Variants in CDC73 observed in about 807,000 individuals in gnomAD.
CDC73 encodes the protein cell division cycle 73.
In CDC73, 21 loss-of-function variants were observed where a neutral mutation model predicts 83.7. The ratio of observed to expected loss-of-function variants is 0.25; its 90% CI spans 0.18 to 0.36. The LOEUF (loss-of-function observed/expected upper bound fraction) is 0.36, where lower values mean the gene tolerates loss of function less well. Among genes scored for constraint, CDC73 ranks in the 10% least tolerant of loss-of-function variants. CDC73 has a pLI of 1.00. For missense variants in CDC73, 342 were observed against 653.3 expected (o/e 0.52, Z 5.19); for synonymous variants, 224 against 212.9 (o/e 1.05, Z -0.45).
At chr1:193,201,897 A>G (rs1053516049) in intron 10 of CDC73, among the ~76,000 whole-genome samples, 21 of 152,140 alleles carry the variant, frequency 1.4e-4, no homozygotes, top group Admixed American at 1.4e-3. Flanking sequence ...CATAATTTTT[A>G]TTCTGGTGAT....
At chr1:193,158,879 A>G (rs17526825) in intron 10 of CDC73, among the ~76,000 whole-genome samples, 5,995 of 152,280 alleles carry the variant, frequency 0.039, 113 homozygotes, top group Middle Eastern at 0.048. Flanking sequence ...TTTATTTTAT[A>G]TACTTGTTAC....
chr1:193,241,497 G>A (rs1677856734), intron 15 of CDC73, among the ~76,000 whole-genome samples: 1 of 152,240 alleles, frequency 6.6e-6, no homozygotes, highest in Non-Finnish European at 1.5e-5. Flanking sequence ...GCAGTGGTGA[G>A]CCTGGAGGGT....
chr1:193,164,811 A>C (rs938415118), intron 10 of CDC73, among the ~76,000 whole-genome samples: 1 of 152,206 alleles, frequency 6.6e-6, no homozygotes, highest in Non-Finnish European at 1.5e-5. Flanking sequence ...TACTGAGTCA[A>C]CTTTAGGACT....
At chr1:193,211,004 C>A (rs780803670) in intron 11 of CDC73, among the ~76,000 whole-genome samples, 2 of 152,194 alleles carry the variant, frequency 1.3e-5, no homozygotes, top group Non-Finnish European at 2.9e-5. Flanking sequence ...GCTCTCTTTT[C>A]ACAGTTATTA....
At chr1:193,198,266 C>T (rs748137872) in intron 10 of CDC73, among the ~76,000 whole-genome samples, 5 of 152,046 alleles carry the variant, frequency 3.3e-5, no homozygotes, top group Non-Finnish European at 7.4e-5. Flanking sequence ...GAATGCCTCC[C>T]AAAATTTGTG....
At position 193,234,258 on chromosome 1, in the gene CDC73, ATAATT is replaced by A. The variant is rs1415075524; in HGVS notation, c.1316+1110_1316+1114del. Among the ~76,000 whole-genome samples, 7 of 129,954 alleles carry A rather than the reference ATAATT, an allele frequency of 5.4e-5. No individual in the cohort carries two copies. In the East Asian group the frequency reaches 1.2e-3, roughly 22 times the overall value. 85.3% of individuals were successfully genotyped at this position (129,954 alleles called of 152,430 possible). On this transcript the variant is annotated intron_variant, in intron 14 of 16. Coordinates refer to ENST00000367435, the MANE Select transcript of CDC73 (RefSeq NM_024529.5). ...AAAATTTATATATTTATTTATATAT[ATAATT>A]TAATTATAATATATATAATATACAT...
At chr1:193,126,821 C>T (rs1675583332) in intron 2 of CDC73, among the ~76,000 whole-genome samples, 1 of 152,108 alleles carries the variant, frequency 6.6e-6, no homozygotes, top group African/African-American at 2.4e-5. Context: ...TGTCTGTCAT[C>T]ACTGGAGCTG....
At chr1:193,245,128 T>C (rs1677930712) in intron 15 of CDC73, among the ~76,000 whole-genome samples, 1 of 152,234 alleles carries the variant, frequency 6.6e-6, no homozygotes, top group African/African-American at 2.4e-5. Flanking sequence ...CTCAAATGTT[T>C]ATCATTCTTT....
intron 10 of CDC73, among the ~76,000 whole-genome samples, chr1:193,173,913 T>C (rs993840730): frequency 5.3e-5 from 8 of 152,166 alleles, no homozygotes; most frequent in African/African-American, 1.9e-4. Context: ...TTTTGGGATA[T>C]CTTTATTCTA....
intron 10 of CDC73, among the ~76,000 whole-genome samples, chr1:193,168,764 A>T (rs557146485): frequency 6.6e-6 from 1 of 152,162 alleles, no homozygotes; most frequent in African/African-American, 2.4e-5. Context: ...ACGTCAGGTG[A>T]TCCACCCGCC....
At position 193,181,206 on chromosome 1, in the gene CDC73, A is replaced by G. The variant is rs369665370; in HGVS notation, c.973-22589A>G. ...TACCTTTTTCATTGTAAATACTTCC[A>G]TTGGCACTAAGTGTATTCTCCAGGC... On this transcript the variant is annotated intron_variant, in intron 10 of 16. Transcript: ENST00000367435. The G allele has an allele frequency of 3.0e-5, 49 of 1,613,968 alleles. No individual in the cohort carries two copies. The Admixed American group carries it at 6.5e-4, about 21-fold the overall frequency.
intron 3 of CDC73, among the ~76,000 whole-genome samples, chr1:193,134,736 A>G (rs1215301489): frequency 6.6e-6 from 1 of 152,154 alleles, no homozygotes; most frequent in Non-Finnish European, 1.5e-5. Flanking sequence ...TTGTTAGGTA[A>G]AAAAGAAAAC....
At chr1:193,238,287 G>A (rs768923680) in intron 15 of CDC73, among the ~76,000 whole-genome samples, 34 of 151,956 alleles carry the variant, frequency 2.2e-4, no homozygotes, top group Middle Eastern at 6.8e-3. Context: ...AACCCTTACC[G>A]TTGACCTCAC....
intron 16 of CDC73, 107 bp downstream of exon 16, chr1:193,249,978 C>A: frequency 1.0e-6 from 1 of 995,882 alleles, no homozygotes; most frequent in Admixed American, 1.8e-5. Context: ...TAATTCCCTT[C>A]TTTCAACATT....
At chr1:193,214,067 G>C (rs1677320489) in intron 13 of CDC73, among the ~76,000 whole-genome samples, 2 of 152,164 alleles carry the variant, frequency 1.3e-5, no homozygotes, top group South Asian at 4.1e-4. Flanking sequence ...TTGATCATGT[G>C]ACTCTTCTGT....
intron 3 of CDC73, 61 bp from the exon 4 acceptor site, chr1:193,135,330 A>T (rs1255152903): frequency 7.6e-7 from 1 of 1,308,512 alleles, no homozygotes; most frequent in African/African-American, 1.5e-5. Context: ...TTTCACTTGT[A>T]ATAATATCCA....
At chr1:193,163,115 G>A (rs183112325) in intron 10 of CDC73, among the ~76,000 whole-genome samples, 4 of 151,656 alleles carry the variant, frequency 2.6e-5, no homozygotes, top group African/African-American at 9.7e-5. Context: ...TAGTAAATTT[G>A]TAGGTACATT....
At chr1:193,178,831 A>G (rs1320082497) in intron 10 of CDC73, among the ~76,000 whole-genome samples, 2 of 152,174 alleles carry the variant, frequency 1.3e-5, no homozygotes, top group African/African-American at 2.4e-5. Flanking sequence ...AAATGTTACA[A>G]TTCTCTTCTG....
intron 13 of CDC73, among the ~76,000 whole-genome samples, chr1:193,215,646 GT>G (rs1175754016): frequency 6.6e-6 from 1 of 151,484 alleles, no homozygotes; most frequent in Non-Finnish European, 1.5e-5. Context: ...CTGGAGTGCA[GT>G]GGTGTGATCT....
Sources: allele counts gnomAD v4.1 joint callset (sites outside exome capture counted in the v4.1 genomes callset), GRCh38; gene constraint gnomAD v4.1.1; transcripts MANE v1.5; gene names NCBI Gene and HGNC (gene_info 2026-07-23, HGNC 2026-07-21).